The following TRIM2 variants were observed in gnomAD, a reference collection of about 807,000 sequenced individuals.
TRIM2 encodes the protein tripartite motif containing 2, also known as tripartite motif-containing protein 2.
TRIM2 carries 20 observed loss-of-function variants against 75.2 expected under a neutral mutation model. That is an observed-to-expected ratio of 0.27 (90% CI 0.19 to 0.39). The LOEUF (loss-of-function observed/expected upper bound fraction) is 0.39. Ranked by LOEUF, TRIM2 falls within the 10% of genes least tolerant of loss-of-function variation. The pLI is 1.00. For synonymous variants in TRIM2, 373 were observed against 388.3 expected (o/e 0.96, Z 0.46); for missense variants, 660 against 990.8 (o/e 0.67, Z 4.48).
Position 153,338,685 on chromosome 4 carries a change from A to C in TRIM2, c.*3719A>C. ...ATCATGATGCTTAAAAACTTTCTAAAGATGAATTGTGTGGCAGTGATTGGT... is the reference window on the plus strand; with the variant it reads ...ATCATGATGCTTAAAAACTTTCTAACGATGAATTGTGTGGCAGTGATTGGT... On this transcript the variant is annotated 3_prime_UTR_variant, in exon 12 of 12. Coordinates refer to ENST00000338700, the MANE Select transcript of TRIM2 (RefSeq NM_015271.5). 1.0e-6 allele frequency: 1 copy of C among 985,838 alleles called. No individual in the cohort carries two copies. Among genetic ancestry groups the C allele is most frequent in the Non-Finnish European group, 1.2e-6 (1 of 829,912 alleles). The allele number at this position is 985,838 out of a possible 1,614,324, so 61.1% of individuals were successfully genotyped here.
chr4:153,249,054 C>G (rs1369807526), intron 1 of TRIM2, among the ~76,000 whole-genome samples: 2 of 152,276 alleles, frequency 1.3e-5, no homozygotes, highest in African/African-American at 4.8e-5. Context: ...GGGGCGATCC[C>G]CAGGGCTCCC....
At chr4:153,273,133 G>T (rs996256454) in intron 2 of TRIM2, among the ~76,000 whole-genome samples, 1 of 151,952 alleles carries the variant, frequency 6.6e-6, no homozygotes, top group African/African-American at 2.4e-5. Flanking sequence ...CACTGCGCCC[G>T]GTGGGGAAAT....
chr4:153,287,860 C>T (rs188232912), intron 3 of TRIM2, among the ~76,000 whole-genome samples: 213 of 152,078 alleles, frequency 1.4e-3, no homozygotes, highest in African/African-American at 4.8e-3. Flanking sequence ...TTACCTTTAC[C>T]TGCTTTCCTT....
At chr4:153,209,732 A>G (rs1736434037) in intron 1 of TRIM2, among the ~76,000 whole-genome samples, 1 of 152,214 alleles carries the variant, frequency 6.6e-6, no homozygotes, top group Non-Finnish European at 1.5e-5. Flanking sequence ...AATGAGATCT[A>G]TTCCTTAGTG....
intron 1 of TRIM2, among the ~76,000 whole-genome samples, chr4:153,218,086 A>G (rs1346628554): frequency 6.6e-6 from 1 of 152,228 alleles, no homozygotes; most frequent in African/African-American, 2.4e-5. Context: ...ACCTTTGTAA[A>G]AAGCAGTTGC....
chr4:153,195,914 C>T (rs1733717393), intron 1 of TRIM2, among the ~76,000 whole-genome samples: 1 of 152,170 alleles, frequency 6.6e-6, no homozygotes, highest in Non-Finnish European at 1.5e-5. Flanking sequence ...AAGATTCAAG[C>T]AATTCTGATG....
At chr4:153,249,616 T>C (rs1750316198) in intron 1 of TRIM2, among the ~76,000 whole-genome samples, 1 of 151,248 alleles carries the variant, frequency 6.6e-6, no homozygotes, top group African/African-American at 2.5e-5. Context: ...CTCGGCCACC[T>C]CCCTGCTCCC....
chr4:153,171,796 TC>T (rs869276243), intron 1 of TRIM2, among the ~76,000 whole-genome samples: 14 of 147,914 alleles, frequency 9.5e-5, no homozygotes, highest in African/African-American at 2.5e-4. Flanking sequence ...GCCAACCTTG[TC>T]CCTCCCCGCA....
At chr4:153,194,999 C>A (rs1243478155) in intron 1 of TRIM2, among the ~76,000 whole-genome samples, 4 of 152,186 alleles carry the variant, frequency 2.6e-5, no homozygotes, top group African/African-American at 9.7e-5. Context: ...CAAAATGTGA[C>A]CTTATTTAGA....
At chr4:153,152,393 CATATATATATGTGTGTATAT>C (rs1196994561), upstream of TRIM2, 1 of 88,904 alleles carries the variant, frequency 1.1e-5, no homozygotes, top group Non-Finnish European at 2.3e-5. Flanking sequence ...TCTTTTTATA[CATATATATATGTGTGTATAT>C]ATATATATAT....
chr4:153,325,902 T>G (rs1360692028), intron 10 of TRIM2, among the ~76,000 whole-genome samples: 1 of 152,228 alleles, frequency 6.6e-6, no homozygotes, highest in Non-Finnish European at 1.5e-5. Context: ...TAGAAAGAAT[T>G]AAAACATATG....
chr4:153,321,415 A>G (rs903650816), intron 8 of TRIM2, among the ~76,000 whole-genome samples: 11 of 152,180 alleles, frequency 7.2e-5, no homozygotes, highest in African/African-American at 2.2e-4. Context: ...AAGGTACAAG[A>G]CCTGTATCTC....
chr4:153,204,367 C>G (rs1284615319), upstream of TRIM2: 6 of 716,934 alleles, frequency 8.4e-6, no homozygotes, highest in African/African-American at 8.9e-5. Context: ...CTCATTGTCC[C>G]CTGATACTGT....
intron 1 of TRIM2, among the ~76,000 whole-genome samples, chr4:153,266,509 A>G (rs949858281): frequency 2.6e-5 from 4 of 151,748 alleles, no homozygotes; most frequent in African/African-American, 9.7e-5. Flanking sequence ...CGCCCAGCTA[A>G]TTTTTATATT....
intron 8 of TRIM2, among the ~76,000 whole-genome samples, chr4:153,321,593 T>C (rs1051362211): frequency 6.6e-6 from 1 of 152,228 alleles, no homozygotes; most frequent in Admixed American, 6.5e-5. Context: ...ATGCTAGACT[T>C]TTAAAATTAA....
Position 153,241,861 on chromosome 4 carries a change from C to G in TRIM2, c.31-28474C>G, listed in dbSNP as rs139254506. Among the ~76,000 whole-genome samples the G allele has an allele frequency of 5.4e-3, 829 of 152,246 alleles. 10 individuals are homozygous for G. The highest frequency in any genetic ancestry group is 0.018 in the African/African-American group (768 of 41,546). On this transcript the variant is annotated intron_variant, in intron 1 of 11. Transcript: ENST00000338700. ...GCCGGATAAAGGTCCCAGGATGCTG[C>G]TAGGAGAGCACTGGCCATTAGAGTA...
chr4:153,320,257 A>C (rs2149546874), intron 8 of TRIM2, among the ~76,000 whole-genome samples: 1 of 152,356 alleles, frequency 6.6e-6, no homozygotes, highest in East Asian at 1.9e-4. Flanking sequence ...TTTCCTAAGT[A>C]ATTGTGTTCC....
chr4:153,254,034 G>A (rs1407752199), intron 1 of TRIM2, among the ~76,000 whole-genome samples: 2 of 152,138 alleles, frequency 1.3e-5, no homozygotes, highest in African/African-American at 2.4e-5. Context: ...CTTGGGGTCT[G>A]GATCGGGACC....
At chr4:153,228,486 G>A (rs1742750102) in intron 1 of TRIM2, among the ~76,000 whole-genome samples, 1 of 152,218 alleles carries the variant, frequency 6.6e-6, no homozygotes, top group African/African-American at 2.4e-5. Flanking sequence ...TCGGATCTGG[G>A]TTGCTGCAGA....
Sources: gnomAD v4.1 joint callset for allele counts (sites outside exome capture counted in the v4.1 genomes callset) on GRCh38, gnomAD v4.1.1 for gene constraint, MANE v1.5 for transcripts, NCBI Gene and HGNC (gene_info 2026-07-23, HGNC 2026-07-21) for gene names.